The following PARD3B variants were observed in gnomAD, a reference collection of about 807,000 sequenced individuals.
PARD3B encodes partitioning defective 3 homolog B.
Under a neutral mutation model 130.2 loss-of-function variants are expected in PARD3B, and 103 were observed. The ratio of observed to expected loss-of-function variants is 0.79; its 90% CI spans 0.67 to 0.93. PARD3B has a LOEUF of 0.93. PARD3B is among the 40% of genes least tolerant of loss of function. PARD3B has a pLI of 0.00. For missense variants in PARD3B, 1,609 were observed against 1,499.2 expected (o/e 1.07, Z -1.21); for synonymous variants, 583 against 553.2 (o/e 1.05, Z -0.76).
chr2:205,337,571 A>G (rs1224925171), intron 18 of PARD3B, among the ~76,000 whole-genome samples: 2 of 152,204 alleles, frequency 1.3e-5, no homozygotes, highest in Non-Finnish European at 2.9e-5. Flanking sequence ...ATAAAAAGAG[A>G]TTACTCTGCT....
intron 4 of PARD3B, among the ~76,000 whole-genome samples, chr2:205,072,341 C>A (rs765611169): frequency 5.3e-5 from 8 of 151,948 alleles, no homozygotes; most frequent in Non-Finnish European, 1.0e-4. Flanking sequence ...CTTCTGCCCC[C>A]CTGGGTTCAA....
At chr2:205,181,092 G>A (rs1345240257) in intron 13 of PARD3B, among the ~76,000 whole-genome samples, 1 of 152,072 alleles carries the variant, frequency 6.6e-6, no homozygotes, top group Non-Finnish European at 1.5e-5. Context: ...GTGCACTCCT[G>A]TCTTAGGCAC....
At chr2:205,390,691 T>C (rs2045826324) in intron 18 of PARD3B, among the ~76,000 whole-genome samples, 1 of 152,138 alleles carries the variant, frequency 6.6e-6, no homozygotes, top group South Asian at 2.1e-4. Flanking sequence ...GGATTCAGGA[T>C]TCCTGTTAAA....
At position 204,696,721 on chromosome 2, in the gene PARD3B, C is replaced by T. The variant is rs775480555; in HGVS notation, c.222+10439C>T. On this transcript the variant is annotated intron_variant, in intron 2 of 22. Coordinates refer to ENST00000406610, the MANE Select transcript of PARD3B (RefSeq NM_001302769.2). ...TAGAAAGAAAGTGTGTTTTCCCTGTCATGTGAATATGGAAACTTCACTTAC... is the reference window on the plus strand; with the variant it reads ...TAGAAAGAAAGTGTGTTTTCCCTGTTATGTGAATATGGAAACTTCACTTAC... Among the ~76,000 whole-genome samples the T allele has an allele frequency of 7.0e-4, 107 of 152,204 alleles. 3 individuals carry two copies. The highest frequency in any genetic ancestry group is 3.5e-4 in the Non-Finnish European group (24 of 67,968).
rs1018138896 is a variant in PARD3B at position 205,268,013 on chromosome 2, G to A, written c.2185+22191G>A. ...ACCAACTCTATTGGTTATTAATCAA[G>A]TTCTTAGGCTAAACTTCAGGCCTTC... On this transcript the variant is annotated intron_variant, in intron 16 of 22. Transcript: ENST00000406610. The surrounding 1 kb of genome is among the most constrained non-coding windows in gnomAD (Gnocchi z 4.1). Among the ~76,000 whole-genome samples, 4 of 152,190 alleles carry A rather than the reference G, an allele frequency of 2.6e-5. No individual in the cohort carries two copies. The highest frequency in any genetic ancestry group is 9.6e-5 in the African/African-American group (4 of 41,462).
chr2:205,441,887 G>A (rs561777061), intron 20 of PARD3B, among the ~76,000 whole-genome samples: 1 of 152,102 alleles, frequency 6.6e-6, no homozygotes, highest in African/African-American at 2.4e-5. Context: ...TTTTTCTTTG[G>A]GACAAAATGA....
At chr2:204,659,275 A>T (rs13393921) in intron 1 of PARD3B, among the ~76,000 whole-genome samples, 2,039 of 152,268 alleles carry the variant, frequency 0.013, 42 homozygotes, top group African/African-American at 0.047. Flanking sequence ...TTTGGCTTCC[A>T]GTGATAGCCC....
chr2:204,909,258 A>G (rs1046763322), intron 2 of PARD3B, among the ~76,000 whole-genome samples: 2 of 152,208 alleles, frequency 1.3e-5, no homozygotes, highest in African/African-American at 4.8e-5. Context: ...TTACATGGTT[A>G]GGTAGGCATC....
chr2:204,657,141 G>A (rs182552250), intron 1 of PARD3B, among the ~76,000 whole-genome samples: 2 of 152,270 alleles, frequency 1.3e-5, no homozygotes, highest in Admixed American at 1.3e-4. Context: ...TCTCTTCACA[G>A]GAACATAGCA....
At chr2:205,445,222 T>C (rs1371317968) in intron 20 of PARD3B, among the ~76,000 whole-genome samples, 1 of 152,180 alleles carries the variant, frequency 6.6e-6, no homozygotes, top group African/African-American at 2.4e-5. Flanking sequence ...TAGATCTCTG[T>C]GTTCTACAGT....
intron 4 of PARD3B, among the ~76,000 whole-genome samples, chr2:205,096,669 G>A (rs568530570): frequency 6.6e-6 from 1 of 152,280 alleles, no homozygotes; most frequent in South Asian, 2.1e-4. Context: ...GTGTGTGTTT[G>A]TGAATGTGCA....
intron 1 of PARD3B, among the ~76,000 whole-genome samples, chr2:204,597,194 A>G (rs2033333432): frequency 6.6e-6 from 1 of 151,772 alleles, no homozygotes; most frequent in South Asian, 2.1e-4. Flanking sequence ...TGTTCTGTGT[A>G]ATGCTTCCAC....
rs143239753 is a variant in PARD3B, at chr2:204,923,236, A to G, written c.223-41916A>G. ...TGAAAAATTACTTTCTTGTATTCATATCAACCAAAGGTTAAAGGTAAATTT... is the reference window on the plus strand; with the variant it reads ...TGAAAAATTACTTTCTTGTATTCATGTCAACCAAAGGTTAAAGGTAAATTT... On this transcript the variant is annotated intron_variant, in intron 2 of 22. Transcript: ENST00000406610. 2.0e-3 allele frequency among the ~76,000 whole-genome samples: 303 copies of G among 152,244 alleles called. 2 individuals are homozygous for G. The highest frequency in any genetic ancestry group is 5.9e-3 in the African/African-American group (244 of 41,568).
intron 2 of PARD3B, among the ~76,000 whole-genome samples, chr2:204,868,220 A>G (rs955988715): frequency 6.6e-6 from 1 of 152,174 alleles, no homozygotes; most frequent in African/African-American, 2.4e-5. Flanking sequence ...AATCTGAGAT[A>G]TTTTGATGCC....
chr2:205,299,436 A>G (rs1037092408), intron 16 of PARD3B, among the ~76,000 whole-genome samples: 8 of 152,156 alleles, frequency 5.3e-5, no homozygotes, highest in African/African-American at 1.9e-4. Context: ...ACTTCATGAC[A>G]GTAGTCTCCT....
intron 3 of PARD3B, among the ~76,000 whole-genome samples, chr2:204,975,069 G>T (rs1692028787): frequency 6.6e-6 from 1 of 151,664 alleles, no homozygotes; most frequent in African/African-American, 2.4e-5. Flanking sequence ...AATATTATGG[G>T]GTACACAGTT....
intron 19 of PARD3B, among the ~76,000 whole-genome samples, chr2:205,431,758 C>T (rs1290329291): frequency 1.3e-5 from 2 of 152,040 alleles, no homozygotes; most frequent in Non-Finnish European, 2.9e-5. Flanking sequence ...CGTGAGCCAC[C>T]GCGACTGGCC....
At chr2:205,526,778 G>A (rs560084148) in intron 21 of PARD3B, among the ~76,000 whole-genome samples, 4 of 152,272 alleles carry the variant, frequency 2.6e-5, no homozygotes, top group African/African-American at 4.8e-5. Flanking sequence ...TATAGTTAAC[G>A]CTTAAGGTAT....
chr2:204,992,704 C>T (rs1575501190), intron 3 of PARD3B, among the ~76,000 whole-genome samples: 1 of 109,050 alleles, frequency 9.2e-6, no homozygotes, highest in East Asian at 2.9e-4. Flanking sequence ...TTCTTCCTAC[C>T]CATGAGCATG....
Sources: gnomAD v4.1 joint callset for allele counts (sites outside exome capture counted in the v4.1 genomes callset) on GRCh38, gnomAD v4.1.1 for gene constraint, Gnocchi (gnomAD v3.1) non-coding constraint, MANE v1.5 for transcripts, NCBI Gene and HGNC (gene_info 2026-07-23, HGNC 2026-07-21) for gene names.